Variants in SLC26A7 observed in about 807,000 individuals in gnomAD.
SLC26A7 encodes anion exchange transporter.
SLC26A7 carries 59 observed loss-of-function variants against 82.5 expected under a neutral mutation model. That is an observed-to-expected ratio of 0.72 (90% CI 0.58 to 0.89). SLC26A7 has a LOEUF of 0.89. SLC26A7 is among the 40% of genes least tolerant of loss of function. SLC26A7 has a pLI of 0.00. For synonymous variants in SLC26A7, 271 were observed against 274.3 expected, an observed-to-expected ratio of 0.99 and a Z score of 0.12; for missense variants, 820 against 793.0, an observed-to-expected ratio of 1.03 and a Z score of -0.41.
At chr8:91,289,019 A>C in intron 2 of SLC26A7, 117 bp from the exon 3 acceptor site, 1 of 665,676 alleles carries the variant, frequency 1.5e-6, no homozygotes, top group South Asian at 2.0e-5. Context: ...CTTGTTGAGC[A>C]AGTAGAATAA....
At chr8:91,351,680 A>T (rs1813719219) in intron 9 of SLC26A7, 130 bp from the exon 10 acceptor site, 2 of 647,958 alleles carry the variant, frequency 3.1e-6, no homozygotes, top group Middle Eastern at 2.5e-4. Flanking sequence ...GCAATTTAAC[A>T]GTTATGTGTC....
chr8:91,362,604 G>A, intron 12 of SLC26A7, 145 bp downstream of exon 12: 2 of 575,554 alleles, frequency 3.5e-6, no homozygotes, highest in Non-Finnish European at 6.2e-6. Flanking sequence ...CAGAAAACTA[G>A]AGACAAACAG....
At chr8:91,266,143 G>A (rs1369808360) in intron 2 of SLC26A7, among the ~76,000 whole-genome samples, 1 of 151,756 alleles carries the variant, frequency 6.6e-6, no homozygotes, top group African/African-American at 2.4e-5. Flanking sequence ...GTATGGCTCT[G>A]TAGTATATTT....
chr8:91,350,281 T>G (rs1813677757), intron 9 of SLC26A7, among the ~76,000 whole-genome samples: 1 of 152,030 alleles, frequency 6.6e-6, no homozygotes, highest in African/African-American at 2.4e-5. Flanking sequence ...AGTACCAGGT[T>G]AGGACAAGTG....
At chr8:91,233,508 A>G (rs1341950079) in intron 2 of SLC26A7, among the ~76,000 whole-genome samples, 8 of 152,178 alleles carry the variant, frequency 5.3e-5, no homozygotes, top group African/African-American at 1.9e-4. Flanking sequence ...CGGAGGTTGT[A>G]GTGAGTGGAG....
rs1813251576 is a variant in SLC26A7 at position 91,336,620 on chromosome 8, G to T, written c.796-1530G>T. 2.6e-5 allele frequency among the ~76,000 whole-genome samples: 4 copies of T among 152,136 alleles called. No individual in the cohort carries two copies. In the South Asian group the frequency reaches 8.3e-4, roughly 32 times the overall value. On this transcript the variant is annotated intron_variant, in intron 6 of 18. Coordinates refer to ENST00000276609, the MANE Select transcript of SLC26A7 (RefSeq NM_052832.4). ...CTCTAAAGCACTAGTCACACCTGGGGTGCAATCCCCCCCTTGCCCAGGTCT... is the reference window on the plus strand; with the variant it reads ...CTCTAAAGCACTAGTCACACCTGGGTTGCAATCCCCCCCTTGCCCAGGTCT...
intron 4 of SLC26A7, among the ~76,000 whole-genome samples, chr8:91,301,227 G>A (rs1812155978): frequency 6.6e-6 from 1 of 152,090 alleles, no homozygotes; most frequent in South Asian, 2.1e-4. Context: ...TCAGGTCTAA[G>A]TCTCAATGTT....
intron 2 of SLC26A7, among the ~76,000 whole-genome samples, chr8:91,282,779 G>T (rs1431457669): frequency 6.6e-6 from 1 of 152,174 alleles, no homozygotes; most frequent in African/African-American, 2.4e-5. Context: ...TTTGTCACAT[G>T]TGTCCTTTTT....
intron 11 of SLC26A7, 94 bp downstream of exon 11, chr8:91,353,090 TG>T: frequency 1.2e-6 from 1 of 828,986 alleles, no homozygotes; most frequent in Non-Finnish European, 1.9e-6. Context: ...AAATAGATAT[TG>T]TCATTTGAGA....
At position 91,366,603 on chromosome 8, in the gene SLC26A7, T is replaced by C. The variant is rs1371934327; in HGVS notation, c.1512T>C (p.Ile504=). Residue 504 remains isoleucine, a synonymous_variant, in exon 14 of 19, where the codon ATT becomes ATC. Coordinates refer to ENST00000276609, the MANE Select transcript of SLC26A7 (RefSeq NM_052832.4). ...MDSETLQQVK[I]ISINNPLVFL... ...AGGAAACCCTGCAGCAGGTGAAAATTATCTCAATAAACAACCCGCTTGTTT... is the reference window on the plus strand; with the variant it reads ...AGGAAACCCTGCAGCAGGTGAAAATCATCTCAATAAACAACCCGCTTGTTT... 6.2e-6 allele frequency: 10 copies of C among 1,613,052 alleles called. No individual in the cohort carries two copies. Among genetic ancestry groups the C allele is most frequent in the Non-Finnish European group, 8.5e-6 (10 of 1,179,754 alleles).
upstream of SLC26A7, among the ~76,000 whole-genome samples, chr8:91,246,232 T>A (rs762120825): frequency 2.0e-5 from 3 of 152,214 alleles, no homozygotes; most frequent in Non-Finnish European, 4.4e-5. Flanking sequence ...ACTTACTGTG[T>A]GAATCCAATG....
rs368823925 is a variant in SLC26A7 at position 91,271,798 on chromosome 8, A to G, written c.194-17338A>G. Among the ~76,000 whole-genome samples, 24 of 152,018 alleles carry G rather than the reference A, an allele frequency of 1.6e-4. No individual in the cohort carries two copies. The East Asian group carries it at 2.1e-3, about 14-fold the overall frequency. ...TTTAGTAGAGCTGGGGTTTCACCGT[A>G]TTAGCCAGGATGGTCTCGATCTCCT... On this transcript the variant is annotated intron_variant, in intron 2 of 18. Transcript: ENST00000276609.
chr8:91,337,203 A>G (rs775111393), intron 6 of SLC26A7, among the ~76,000 whole-genome samples: 1 of 152,156 alleles, frequency 6.6e-6, no homozygotes. Flanking sequence ...CAGAGAAGAG[A>G]ACAACAGGAA....
At chr8:91,273,332 T>G (rs1811321969) in intron 2 of SLC26A7, among the ~76,000 whole-genome samples, 1 of 152,122 alleles carries the variant, frequency 6.6e-6, no homozygotes, top group Admixed American at 6.6e-5. Flanking sequence ...GGTCATGGTA[T>G]GGGATTGGAT....
At chr8:91,375,690 G>T (rs1814493420) in intron 15 of SLC26A7, among the ~76,000 whole-genome samples, 1 of 148,204 alleles carries the variant, frequency 6.7e-6, no homozygotes. Context: ...TGTTGGCCTT[G>T]GGTAGTCTGA....
chr8:91,282,251 G>A (rs1014562874), intron 2 of SLC26A7, among the ~76,000 whole-genome samples: 2 of 152,138 alleles, frequency 1.3e-5, no homozygotes, highest in Non-Finnish European at 2.9e-5. Flanking sequence ...GTGGGCAGAG[G>A]CCAGTCAGCT....
chr8:91,396,037 A>T lies in SLC26A7; in HGVS notation c.*940A>T, dbSNP rs1808562388. On this transcript the variant is annotated 3_prime_UTR_variant, in exon 19 of 19. Coordinates refer to ENST00000276609, the MANE Select transcript of SLC26A7 (RefSeq NM_052832.4). ...TGTTTATCTATATCCATATGGATGG[A>T]TAGGTAGGTAGATCTTCATAGATTT... 1 of 152,004 alleles carries T rather than the reference A, an allele frequency of 6.6e-6. No individual in the cohort carries two copies. Among genetic ancestry groups the T allele is most frequent in the East Asian group, 1.9e-4 (1 of 5,188 alleles). The allele number at this position is 152,004 out of a possible 1,614,324, so 9.4% of individuals were successfully genotyped here. A position where few individuals can be genotyped will look rare whatever the true frequency, so the allele number is the denominator to read the frequency against.
chr8:91,347,157 C>T (rs1478735160), intron 9 of SLC26A7, among the ~76,000 whole-genome samples: 1 of 152,120 alleles, frequency 6.6e-6, no homozygotes, highest in African/African-American at 2.4e-5. Context: ...GAAATGAGAG[C>T]TTCCAATAAC....
At chr8:91,211,311 GA>G (rs1378694503) in intron 1 of SLC26A7, among the ~76,000 whole-genome samples, 1 of 151,572 alleles carries the variant, frequency 6.6e-6, no homozygotes, top group African/African-American at 2.4e-5. Context: ...TATCACAATG[GA>G]ATTAGAATAA....
Sources: allele counts gnomAD v4.1 joint callset (sites outside exome capture counted in the v4.1 genomes callset), GRCh38; gene constraint gnomAD v4.1.1; transcripts MANE v1.5; gene names NCBI Gene and HGNC (gene_info 2026-07-23, HGNC 2026-07-21).